Variants in BRD4 observed in about 807,000 individuals in gnomAD.
BRD4 encodes the protein bromodomain-containing protein 4.
BRD4 carries 16 observed loss-of-function variants against 142.1 expected under a neutral mutation model. That is an observed-to-expected ratio of 0.11 (90% CI 0.08 to 0.17). BRD4 has a LOEUF of 0.17. Ranked by LOEUF, BRD4 falls within the 10% of genes least tolerant of loss-of-function variation. The pLI is 1.00. For missense variants in BRD4, 1,424 were observed against 1,810.9 expected (o/e 0.79, Z 3.88); for synonymous variants, 833 against 707.5 (o/e 1.18, Z -2.82).
intron 1 of BRD4, among the ~76,000 whole-genome samples, chr19:15,327,200 C>T (rs1771741036): frequency 6.6e-6 from 1 of 152,170 alleles, no homozygotes; most frequent in South Asian, 2.1e-4. Context: ...AGATATATGA[C>T]CCAGCAATTC....
chr19:15,327,435 T>A (rs942479148), intron 1 of BRD4, among the ~76,000 whole-genome samples: 1 of 152,054 alleles, frequency 6.6e-6, no homozygotes, highest in African/African-American at 2.4e-5. Context: ...TCCCAATTAC[T>A]TGGGAGGTTG....
chr19:15,243,456 T>C lies in BRD4; in HGVS notation c.2613A>G (p.Ser871=). ...ALHNALPQQP[S]RPSNRAAALP... is the part of the protein sequence containing the mutation. ...GGGCAGCGGCTCGGTTGCTGGGCCG[T>C]GATGGCTGCTGGGGTAGTGCGTTGT... Residue 871 remains serine (S), a synonymous_variant, in exon 14 of 20, where the codon TCA becomes TCG. Transcript: ENST00000679869. 6.4e-7 allele frequency: 1 copy of C among 1,574,160 alleles called. No individual in the cohort carries two copies. The highest frequency in any genetic ancestry group is 8.6e-7 in the Non-Finnish European group (1 of 1,162,752).
intron 1 of BRD4, among the ~76,000 whole-genome samples, chr19:15,325,009 G>A (rs551917278): frequency 6.6e-6 from 1 of 152,260 alleles, no homozygotes; most frequent in African/African-American, 2.4e-5. Flanking sequence ...CCATGCCCTG[G>A]ATCAGCTGGT....
chr19:15,242,256 C>CA (rs2047243973), intron 14 of BRD4, among the ~76,000 whole-genome samples: 6 of 152,166 alleles, frequency 3.9e-5, no homozygotes, highest in Admixed American at 3.9e-4. Context: ...AACCCTGCAG[C>CA]ACCACATCAG....
At chr19:15,281,677 G>GT (rs2047705489) in intron 1 of BRD4, among the ~76,000 whole-genome samples, 1 of 152,214 alleles carries the variant, frequency 6.6e-6, no homozygotes, top group African/African-American at 2.4e-5. Flanking sequence ...AAATGTTCCT[G>GT]TGAGAAGCAT....
Position 15,238,387 on chromosome 19 carries a change from T to C in BRD4, c.4079A>G (p.Asn1360Ser). The C allele has an allele frequency of 6.2e-7, 1 of 1,614,050 alleles. No homozygotes were observed. The highest frequency in any genetic ancestry group is 8.5e-7 in the Non-Finnish European group (1 of 1,179,974). Reference protein sequence around the residue: ...QSDLLSIFEENLF With the variant: ...QSDLLSIFEESLF ...GCCACCTAGGTGCGCTCAGAAAAGA[T>C]TTTCTTCAAATATTGACAATAGATC... The change falls in exon 20 of 20, where the codon AAT (asparagine) becomes AGT (serine). Residue 1360 changes from asparagine to serine, a missense_variant. Transcript: ENST00000679869. The surrounding 1 kb of genome is among the most constrained non-coding windows in gnomAD (Gnocchi z 7.2).
At chr19:15,332,142 G>A (rs1022995402) in intron 1 of BRD4, 148 bp downstream of exon 1, 154 of 146,458 alleles carry the variant, frequency 1.1e-3, no homozygotes, top group African/African-American at 3.5e-3. Context: ...AGCCCGCGTA[G>A]CCCCGGCCTC....
At position 15,235,704 on chromosome 19, in the gene BRD4, G is replaced by A. The variant is rs559024024; in HGVS notation, c.*2673C>T. On this transcript the variant is annotated 3_prime_UTR_variant, in exon 20 of 20. Coordinates refer to ENST00000679869, the MANE Select transcript of BRD4 (RefSeq NM_001379291.1). Reference sequence around the variant, plus strand: ...GCGATCCGTGCATACAGTACAGTGGGGGCTTGTACACACCTCTTACTCTGG... The same window carrying A: ...GCGATCCGTGCATACAGTACAGTGGAGGCTTGTACACACCTCTTACTCTGG... The A allele has an allele frequency of 6.6e-6, 1 of 152,160 alleles. No homozygotes were observed. Among genetic ancestry groups the A allele is most frequent in the South Asian group, 2.1e-4 (1 of 4,824 alleles). The allele number at this position is 152,160 out of a possible 1,614,324, so 9.4% of individuals were successfully genotyped here. A position where few individuals can be genotyped will look rare whatever the true frequency, so the allele number is the denominator to read the frequency against.
In BRD4 at chr19:15,243,437, C is replaced by A; in HGVS notation, c.2632G>T (p.Ala878Ser). 6.4e-7 allele frequency: 1 copy of A among 1,573,768 alleles called. No individual in the cohort carries two copies. The highest frequency in any genetic ancestry group is 1.2e-5 in the South Asian group (1 of 84,610). The change falls in exon 14 of 20, where the codon GCT becomes TCT. Residue 878 changes from alanine (A) to serine (S), a missense_variant. Ala to Ser is a moderately conservative substitution (Grantham distance 99, BLOSUM62 1). Around this residue, in one of 16 missense-constraint regions of BRD4, gnomAD observed 598 missense variants for 647.8 expected, o/e 0.92. Coordinates refer to ENST00000679869, the MANE Select transcript of BRD4 (RefSeq NM_001379291.1). ...QQPSRPSNRA[A>S]ALPPKPARPP... ...CGGGCGGGCTTGGGAGGCAGGGCAG[C>A]GGCTCGGTTGCTGGGCCGTGATGGC...
At position 15,243,406 on chromosome 19, in the gene BRD4, G is replaced by C. The variant is rs748581170; in HGVS notation, c.2663C>G (p.Pro888Arg). The change falls in exon 14 of 20, where the codon CCA (proline) becomes CGA (arginine). Residue 888 changes from proline to arginine, a missense_variant. Physicochemically the swap from Pro to Arg is moderately radical, Grantham distance 103. Coordinates refer to ENST00000679869, the MANE Select transcript of BRD4 (RefSeq NM_001379291.1). ...AALPPKPARP[P>R]AVSPALTQTP... ...TTGGGTCAAGGCTGGTGACACGGCTGGGGGCCGGGCGGGCTTGGGAGGCAG... is the reference window on the plus strand; with the variant it reads ...TTGGGTCAAGGCTGGTGACACGGCTCGGGGCCGGGCGGGCTTGGGAGGCAG... The C allele has an allele frequency of 1.3e-6, 2 of 1,559,018 alleles. No individual in the cohort carries two copies. Among genetic ancestry groups the C allele is most frequent in the South Asian group, 1.2e-5 (1 of 81,606 alleles).
chr19:15,290,484 ACT>A (rs983400953), intron 1 of BRD4, among the ~76,000 whole-genome samples: 16 of 151,862 alleles, frequency 1.1e-4, no homozygotes, highest in African/African-American at 3.4e-4. Flanking sequence ...AAAAAGAAAA[ACT>A]CTCATCAAAT....
chr19:15,308,244 ACTCACCACTGTACTCCAG>A (rs1357432769), intron 1 of BRD4, among the ~76,000 whole-genome samples: 2 of 132,424 alleles, frequency 1.5e-5, no homozygotes, highest in African/African-American at 5.7e-5. Flanking sequence ...CATGCATGTG[ACTCACCACTGTACTCCAG>A]CCTGGGCAAC....
chr19:15,325,329 G>A (rs1028530553), intron 1 of BRD4, among the ~76,000 whole-genome samples: 6 of 152,170 alleles, frequency 3.9e-5, no homozygotes, highest in Admixed American at 3.9e-4. Flanking sequence ...GCAAAAATGA[G>A]ATAGGACTGG....
At chr19:15,294,899 C>A (rs2047811202) in intron 1 of BRD4, among the ~76,000 whole-genome samples, 4 of 152,072 alleles carry the variant, frequency 2.6e-5, no homozygotes. Flanking sequence ...GACCCCACGC[C>A]CAGAAGGCCA....
At chr19:15,258,798 A>G (rs2047439457) in intron 7 of BRD4, among the ~76,000 whole-genome samples, 1 of 152,156 alleles carries the variant, frequency 6.6e-6, no homozygotes, top group African/African-American at 2.4e-5. Flanking sequence ...CATGTTGCCC[A>G]GGCTGGTCTC....
At chr19:15,279,131 G>A (rs993132833) in intron 1 of BRD4, among the ~76,000 whole-genome samples, 1 of 151,756 alleles carries the variant, frequency 6.6e-6, no homozygotes, top group African/African-American at 2.4e-5. Context: ...GTGAGCCACC[G>A]CACCCGGCTA....
At chr19:15,329,664 A>G (rs1457277598) in intron 1 of BRD4, among the ~76,000 whole-genome samples, 1 of 152,122 alleles carries the variant, frequency 6.6e-6, no homozygotes, top group Non-Finnish European at 1.5e-5. Context: ...GCTTGAACCC[A>G]GGAGGCAGAG....
intron 1 of BRD4, among the ~76,000 whole-genome samples, chr19:15,298,195 G>C (rs183125259): frequency 6.6e-6 from 1 of 152,314 alleles, no homozygotes; most frequent in African/African-American, 2.4e-5. Context: ...CACGGGTGGA[G>C]GTCCACAAAC....
intron 1 of BRD4, among the ~76,000 whole-genome samples, chr19:15,318,492 G>A (rs1005168408): frequency 1.3e-5 from 2 of 152,144 alleles, no homozygotes; most frequent in African/African-American, 4.8e-5. Context: ...GTAGCATGTC[G>A]ATATCCCTAA....
Sources: gnomAD v4.1 joint callset for allele counts (sites outside exome capture counted in the v4.1 genomes callset) on GRCh38, gnomAD v4.1.1 for gene constraint, gnomAD v4.1.1 regional missense constraint, Gnocchi (gnomAD v3.1) non-coding constraint, MANE v1.5 for transcripts, NCBI Gene and HGNC (gene_info 2026-07-23, HGNC 2026-07-21) for gene names.